The following TTLL8 variants were observed in gnomAD, a reference collection of about 807,000 sequenced individuals.
The protein encoded by TTLL8 is protein monoglycylase TTLL8.
A neutral mutation model predicts 77.8 loss-of-function variants in TTLL8; 65 were observed. The ratio of observed to expected loss-of-function variants is 0.84; its 90% CI spans 0.68 to 1.03. TTLL8 has a LOEUF of 1.03. Among genes scored for constraint, TTLL8 ranks in the 50% least tolerant of loss-of-function variants. The probability of loss-of-function intolerance (pLI) is 0.00; values close to 1 mark genes in which losing one functional copy is unlikely to be tolerated. For synonymous variants in TTLL8, 402 were observed against 422.8 expected, an observed-to-expected ratio of 0.95 and a Z score of 0.60; for missense variants, 910 against 1,004.5, an observed-to-expected ratio of 0.91 and a Z score of 1.27.
At chr22:50,040,382 G>A (rs555382050) in intron 8 of TTLL8, among the ~76,000 whole-genome samples, 1 of 152,354 alleles carries the variant, frequency 6.6e-6, no homozygotes, top group African/African-American at 2.4e-5. Context: ...CAGCGTGGAC[G>A]GACCTCACAG....
chr22:50,056,974 C>A, upstream of TTLL8: 2 of 1,288,356 alleles, frequency 1.6e-6, no homozygotes, highest in Non-Finnish European at 2.0e-6. The surrounding 1 kb of genome is among the most constrained non-coding windows in gnomAD (Gnocchi z 4.1). Flanking sequence ...CCTCTGACCC[C>A]TAGAGGAGAG....
At chr22:50,030,895 A>T (rs371648224) in exon 12 of TTLL8, 1 of 1,323,106 alleles carries the variant, frequency 7.6e-7, no homozygotes, top group African/African-American at 1.5e-5. Context: ...CAGAGGTCGG[A>T]CCCGCTGAAT....
intron 8 of TTLL8, among the ~76,000 whole-genome samples, chr22:50,038,168 T>C (rs2061348729): frequency 6.6e-6 from 1 of 152,252 alleles, no homozygotes; most frequent in South Asian, 2.1e-4. Context: ...TCACGATTTG[T>C]TGCTAGAACA....
At chr22:50,024,834 C>G (rs2061222620) in intron 12 of TTLL8, among the ~76,000 whole-genome samples, 1 of 152,246 alleles carries the variant, frequency 6.6e-6, no homozygotes, top group African/African-American at 2.4e-5. Flanking sequence ...AAAGCACGTT[C>G]AGAGTCCCAG....
chr22:50,052,124 G>A (rs2061447293), intron 1 of TTLL8, among the ~76,000 whole-genome samples: 1 of 151,842 alleles, frequency 6.6e-6, no homozygotes, highest in Admixed American at 6.6e-5. Flanking sequence ...CACCGCTCTG[G>A]GCCGCTGTCT....
rs2070538725 is a variant in TTLL8, at chr22:50,030,976, G to C, written c.1708-51C>G. On this transcript the variant is annotated intron_variant, in intron 11 of 13. Coordinates refer to ENST00000266182, the Ensembl canonical transcript of TTLL8. The stretch of plus-strand genomic sequence containing the variant: ...GCTGGGCTGTGGCCGGGATAGGGGG[G>C]GTCCCTGCAGGAGGGGTCTGTGCAG... 3 of 1,289,062 alleles carry C rather than the reference G, an allele frequency of 2.3e-6. No homozygotes were observed. The South Asian group carries it at 3.7e-5, about 16-fold the overall frequency. The allele number at this position is 1,289,062 out of a possible 1,614,324, so 79.9% of individuals were successfully genotyped here.
At chr22:50,053,612 A>G (rs955297842) in intron 1 of TTLL8, among the ~76,000 whole-genome samples, 10 of 152,258 alleles carry the variant, frequency 6.6e-5, no homozygotes, top group African/African-American at 2.4e-4. Flanking sequence ...AGAAAATCTG[A>G]AAATTAATGA....
intron 1 of TTLL8, among the ~76,000 whole-genome samples, chr22:50,051,225 C>T (rs531276944): frequency 2.0e-4 from 31 of 152,364 alleles, no homozygotes; most frequent in Non-Finnish European, 4.4e-5. Flanking sequence ...CAAACTCTAT[C>T]TTATCATTCT....
intron 12 of TTLL8, among the ~76,000 whole-genome samples, chr22:50,020,638 C>T (rs540762005): frequency 5.0e-4 from 73 of 145,024 alleles, no homozygotes; most frequent in Admixed American, 1.5e-3. Context: ...CATCTGACAA[C>T]GTGCACTCCT....
At chr22:50,035,915 C>T (rs1156921813) in intron 8 of TTLL8, among the ~76,000 whole-genome samples, 1 of 152,236 alleles carries the variant, frequency 6.6e-6, no homozygotes, top group Non-Finnish European at 1.5e-5. Flanking sequence ...ACCACTGTCC[C>T]CACAAGTGTA....
intron 12 of TTLL8, among the ~76,000 whole-genome samples, chr22:50,025,619 A>C (rs950688214): frequency 6.6e-6 from 1 of 152,330 alleles, no homozygotes; most frequent in East Asian, 1.9e-4. Flanking sequence ...CAGCCTGGGC[A>C]ACAGAGTGAG....
chr22:50,051,576 G>A (rs911271989), intron 1 of TTLL8, among the ~76,000 whole-genome samples: 2 of 152,152 alleles, frequency 1.3e-5, no homozygotes, highest in East Asian at 1.9e-4. Flanking sequence ...TGGATCAAAT[G>A]GTAGATCTAC....
At chr22:50,033,024 C>T in intron 10 of TTLL8, 178 bp downstream of exon 11, 1 of 558,434 alleles carries the variant, frequency 1.8e-6, no homozygotes. Flanking sequence ...GGGCCTGGGC[C>T]TGTCCCTCGG....
intron 8 of TTLL8, among the ~76,000 whole-genome samples, chr22:50,036,763 TA>T (rs1219117103): frequency 6.6e-6 from 1 of 152,086 alleles, no homozygotes; most frequent in Non-Finnish European, 1.5e-5. Flanking sequence ...CATGCCCAGC[TA>T]ACTTTTGTAT....
At position 50,051,496 on chromosome 22, in the gene TTLL8, T is replaced by G. The variant is rs1410761729; in HGVS notation, c.52-1249A>C. On this transcript the variant is annotated intron_variant, in intron 1 of 13. Coordinates refer to ENST00000266182, the Ensembl canonical transcript of TTLL8. ...GTTGTGAACTGAGCTGCTGCAAACA[T>G]GCGTGAGCAAGTATCTTTTTTGTAT... Among the ~76,000 whole-genome samples, 3 of 152,380 alleles carry G rather than the reference T, an allele frequency of 2.0e-5. No individual in the cohort carries two copies. The South Asian group carries it at 6.2e-4, about 32-fold the overall frequency.
exon 1 of TTLL8, chr22:50,054,596 T>C: frequency 8.0e-6 from 2 of 248,518 alleles, no homozygotes; most frequent in South Asian, 6.0e-5. Flanking sequence ...TCTGAGTACC[T>C]GGAAGTCTGT....
chr22:50,052,515 C>T (rs893672900), intron 1 of TTLL8, among the ~76,000 whole-genome samples: 8 of 152,176 alleles, frequency 5.3e-5, no homozygotes, highest in African/African-American at 1.9e-4. Flanking sequence ...ATAACAGACA[C>T]ACCTGAATAC....
At chr22:50,020,705 T>TGC (rs1426957455) in intron 12 of TTLL8, among the ~76,000 whole-genome samples, 2 of 138,204 alleles carry the variant, frequency 1.4e-5, no homozygotes, top group East Asian at 2.3e-4. Context: ...ATCTGACATG[T>TGC]ACTCCTCCAT....
intron 12 of TTLL8, among the ~76,000 whole-genome samples, chr22:50,022,342 C>T (rs556515142): frequency 1.3e-5 from 2 of 148,602 alleles, no homozygotes. Flanking sequence ...CTCCATCTGA[C>T]AATGTGTACT....
Sources: gnomAD v4.1 joint callset for allele counts (sites outside exome capture counted in the v4.1 genomes callset) on GRCh38, gnomAD v4.1.1 for gene constraint, Gnocchi (gnomAD v3.1) non-coding constraint, MANE v1.5 for transcripts, NCBI Gene and HGNC (gene_info 2026-07-23, HGNC 2026-07-21) for gene names.